Variants in NFIX observed in about 807,000 individuals in gnomAD.
NFIX encodes nuclear factor I X.
NFIX carries 2 observed loss-of-function variants against 53.3 expected under a neutral mutation model. That is an observed-to-expected ratio of 0.04 (90% CI 0.02 to 0.12). The LOEUF is 0.12. Ranked by LOEUF, NFIX falls within the 10% of genes least tolerant of loss-of-function variation. NFIX has a pLI of 1.00. For synonymous variants in NFIX, 244 were observed against 289.0 expected (o/e 0.84, Z 1.58); for missense variants, 310 against 674.5 (o/e 0.46, Z 5.99).
chr19:13,049,540 G>A lies in NFIX; in HGVS notation c.560-23507G>A, dbSNP rs570847658. Among the ~76,000 whole-genome samples, 97 of 151,362 alleles carry A rather than the reference G, an allele frequency of 6.4e-4. No homozygotes were observed. The highest frequency in any genetic ancestry group is 1.5e-3 in the African/African-American group (63 of 41,254). Reference sequence around the variant, plus strand: ...GGTCTTCATGTCGGGCTTCTTTCACGGAGCATAATGTTTTCAAGGTTCCTA... The same window carrying A: ...GGTCTTCATGTCGGGCTTCTTTCACAGAGCATAATGTTTTCAAGGTTCCTA... On this transcript the variant is annotated intron_variant, in intron 2 of 10. Transcript: ENST00000592199. The surrounding 1 kb of genome is among the most constrained non-coding windows in gnomAD (Gnocchi z 4.5).
chr19:13,076,357 A>T (rs2017101408), intron 6 of NFIX, among the ~76,000 whole-genome samples: 1 of 152,076 alleles, frequency 6.6e-6, no homozygotes, highest in Non-Finnish European at 1.5e-5. Context: ...TCCTCTAGGG[A>T]TCTTCTTCTT....
Position 13,025,830 on chromosome 19 carries a change from G to T in NFIX, c.559+278G>T, listed in dbSNP as rs2145194956. On this transcript the variant is annotated intron_variant, in intron 2 of 10. Transcript: ENST00000592199. This position sits in a 1 kb window ranked among gnomAD's most constrained non-coding sequence, Gnocchi z 7.5. ...GGACTTATCTGATCAGAAAGATGCT[G>T]CAGGTCTTAGGATTGGGGACATGAT... is the stretch of plus-strand genomic sequence containing the variant. Among the ~76,000 whole-genome samples the T allele has an allele frequency of 6.6e-6, 1 of 152,310 alleles. No individual in the cohort carries two copies.
At chr19:13,038,598 T>C (rs2014376580) in intron 2 of NFIX, among the ~76,000 whole-genome samples, 3 of 152,266 alleles carry the variant, frequency 2.0e-5, no homozygotes, top group Non-Finnish European at 2.9e-5. Context: ...AAGTTTCCGT[T>C]TAGCCCGGCA....
intron 2 of NFIX, among the ~76,000 whole-genome samples, chr19:13,026,642 G>A (rs2013374138): frequency 6.6e-6 from 1 of 152,054 alleles, no homozygotes; most frequent in Admixed American, 6.6e-5. Context: ...AAACCTAAAC[G>A]GGCGGCACTC....
Position 13,001,698 on chromosome 19 carries a change from A to G in NFIX, c.27+5834A>G, listed in dbSNP as rs147763080. ...TCTCCAGTGTCATCACCCTCATATC[A>G]CTGTGCCTCCTGAGCTTGTCCCCGT... is the stretch of plus-strand genomic sequence containing the variant. On this transcript the variant is annotated intron_variant, in intron 1 of 10. Transcript: ENST00000592199. This position sits in a 1 kb window ranked among gnomAD's most constrained non-coding sequence, Gnocchi z 6.5. Among the ~76,000 whole-genome samples the G allele has an allele frequency of 0.033, 4,974 of 151,456 alleles. 86 individuals carry two copies. Among genetic ancestry groups the G allele is most frequent in the Middle Eastern group, 0.085 (25 of 294 alleles).
Position 13,036,555 on chromosome 19 carries a change from C to G in NFIX, c.559+11003C>G. Among the ~76,000 whole-genome samples the G allele has an allele frequency of 6.6e-6, 1 of 152,168 alleles. No homozygotes were observed. The highest frequency in any genetic ancestry group is 3.4e-3 in the Middle Eastern group (1 of 294). On this transcript the variant is annotated intron_variant, in intron 2 of 10. Transcript: ENST00000592199. This position sits in a 1 kb window ranked among gnomAD's most constrained non-coding sequence, Gnocchi z 4.7. Reference sequence around the variant, plus strand: ...ACTGGGCGGAGCTGTGTGGAGCGATCGGGAGATCCCCGGAGGCGACCTGCA... The same window carrying G: ...ACTGGGCGGAGCTGTGTGGAGCGATGGGGAGATCCCCGGAGGCGACCTGCA...
At chr19:13,038,029 C>T (rs888318661) in intron 2 of NFIX, among the ~76,000 whole-genome samples, 2 of 152,142 alleles carry the variant, frequency 1.3e-5, no homozygotes, top group Admixed American at 6.5e-5. Flanking sequence ...TCCTGAATTT[C>T]TTGCAGCTCT....
chr19:13,088,241 C>T lies in NFIX; in HGVS notation c.1402+105C>T. 5.9e-6 allele frequency: 8 copies of T among 1,360,790 alleles called. No individual in the cohort carries two copies. Among genetic ancestry groups the T allele is most frequent in the Middle Eastern group, 2.1e-4 (1 of 4,858 alleles). The allele number at this position is 1,360,790 out of a possible 1,614,324, so 84.3% of individuals were successfully genotyped here. On this transcript the variant is annotated intron_variant, in intron 9 of 10. Coordinates refer to ENST00000592199, the MANE Select transcript of NFIX (RefSeq NM_001365902.3). This position sits in a 1 kb window ranked among gnomAD's most constrained non-coding sequence, Gnocchi z 5.9. Reference sequence around the variant, plus strand: ...CCTTCCCCCTCCCCACCACCAAAGCCCCCCAACCCAGAGCACCATGGACAA... The same window carrying T: ...CCTTCCCCCTCCCCACCACCAAAGCTCCCCAACCCAGAGCACCATGGACAA...
At position 13,036,912 on chromosome 19, in the gene NFIX, A is replaced by G. The variant is rs1460181620; in HGVS notation, c.559+11360A>G. On this transcript the variant is annotated intron_variant, in intron 2 of 10. Coordinates refer to ENST00000592199, the MANE Select transcript of NFIX (RefSeq NM_001365902.3). The surrounding 1 kb of genome is among the most constrained non-coding windows in gnomAD (Gnocchi z 4.7). ...CGGCCCCACCCGGACACATGACATCATTGTTTCCTTAGTAACAGGAATGCT... is the reference window on the plus strand; with the variant it reads ...CGGCCCCACCCGGACACATGACATCGTTGTTTCCTTAGTAACAGGAATGCT... 6.6e-6 allele frequency among the ~76,000 whole-genome samples: 1 copy of G among 152,138 alleles called. No homozygotes were observed. The highest frequency in any genetic ancestry group is 1.5e-5 in the Non-Finnish European group (1 of 68,022).
At chr19:13,079,424 G>T (rs1461349355) in intron 7 of NFIX, among the ~76,000 whole-genome samples, 2 of 152,198 alleles carry the variant, frequency 1.3e-5, no homozygotes, top group Non-Finnish European at 2.9e-5. Context: ...GATCAGGCAG[G>T]AGGCTGTGGG....
intron 1 of NFIX, among the ~76,000 whole-genome samples, chr19:13,007,185 C>A (rs780869638): frequency 2.0e-5 from 3 of 152,140 alleles, no homozygotes; most frequent in South Asian, 2.1e-4. Flanking sequence ...CCCCTCCCCC[C>A]CCATAGGCGC....
Position 13,090,205 on chromosome 19 carries a change from C to A in NFIX, c.1403-94C>A. 1 of 1,177,288 alleles carries A rather than the reference C, an allele frequency of 8.5e-7. No homozygotes were observed. Among genetic ancestry groups the A allele is most frequent in the Non-Finnish European group, 1.3e-6 (1 of 785,246 alleles). The allele number at this position is 1,177,288 out of a possible 1,614,324, so 72.9% of individuals were successfully genotyped here. Reference sequence around the variant, plus strand: ...TAAACTCGGGCAGCATGGTCTAACTCAGTCTCTCCCTCTCTCAGCAGCCCC... The same window carrying A: ...TAAACTCGGGCAGCATGGTCTAACTAAGTCTCTCCCTCTCTCAGCAGCCCC... On this transcript the variant is annotated intron_variant, in intron 9 of 10. Transcript: ENST00000592199. The surrounding 1 kb of genome is among the most constrained non-coding windows in gnomAD (Gnocchi z 6.6).
chr19:13,040,776 A>C lies in NFIX; in HGVS notation c.559+15224A>C, dbSNP rs1599768353. ...TTGTCTTTCACACACTCGCGCACAC[A>C]CACAGCCACTTCTCGAAGCAGATCT... On this transcript the variant is annotated intron_variant, in intron 2 of 10. Coordinates refer to ENST00000592199, the MANE Select transcript of NFIX (RefSeq NM_001365902.3). This position sits in a 1 kb window ranked among gnomAD's most constrained non-coding sequence, Gnocchi z 4.2. 6.6e-6 allele frequency among the ~76,000 whole-genome samples: 1 copy of C among 152,180 alleles called. No homozygotes were observed. Among genetic ancestry groups the C allele is most frequent in the Non-Finnish European group, 1.5e-5 (1 of 68,024 alleles).
chr19:13,029,400 AGTTT>A (rs1355495148), intron 2 of NFIX, among the ~76,000 whole-genome samples: 2 of 152,224 alleles, frequency 1.3e-5, no homozygotes, highest in East Asian at 1.9e-4. Flanking sequence ...TTTTGTTTAT[AGTTT>A]GTTTGAATCA....
intron 1 of NFIX, among the ~76,000 whole-genome samples, chr19:13,008,672 G>A (rs1016985571): frequency 6.6e-6 from 1 of 152,202 alleles, no homozygotes; most frequent in Admixed American, 6.5e-5. Context: ...GTGGGAAACA[G>A]GCATAGGGTA....
At chr19:13,000,778 A>G (rs1243833929) in intron 1 of NFIX, among the ~76,000 whole-genome samples, 1 of 152,222 alleles carries the variant, frequency 6.6e-6, no homozygotes, top group African/African-American at 2.4e-5. Context: ...TGGACCCGCC[A>G]TGGAGACAGG....
intron 1 of NFIX, among the ~76,000 whole-genome samples, chr19:13,010,068 C>T (rs2145151163): frequency 1.3e-5 from 2 of 152,346 alleles, no homozygotes; most frequent in South Asian, 4.1e-4. Context: ...GCTTCCTCCT[C>T]TGCAACCCGC....
At chr19:13,074,164 T>A in intron 5 of NFIX, 138 bp downstream of exon 5, 1 of 1,164,538 alleles carries the variant, frequency 8.6e-7, no homozygotes, top group Non-Finnish European at 1.2e-6. Context: ...GCACTGGCTC[T>A]AACACTTTAG....
chr19:13,024,650 C>T, intron 1 of NFIX: 2 of 1,536,256 alleles, frequency 1.3e-6, no homozygotes, highest in Non-Finnish European at 1.7e-6. Flanking sequence ...ATGTCATGGG[C>T]GCGACAGAGC....
Sources: gnomAD v4.1 joint callset for allele counts (sites outside exome capture counted in the v4.1 genomes callset) on GRCh38, gnomAD v4.1.1 for gene constraint, Gnocchi (gnomAD v3.1) non-coding constraint, MANE v1.5 for transcripts, NCBI Gene and HGNC (gene_info 2026-07-23, HGNC 2026-07-21) for gene names.